Variants in MYO16 observed in about 807,000 individuals in gnomAD.
The protein encoded by MYO16 is myosin XVI.
A neutral mutation model predicts 205.3 loss-of-function variants in MYO16; 94 were observed. The observed-to-expected ratio is 0.46, with a 90% CI of 0.39 to 0.54. The LOEUF (loss-of-function observed/expected upper bound fraction) is 0.54, where lower values mean the gene tolerates loss of function less well. Among genes scored for constraint, MYO16 ranks in the 20% least tolerant of loss-of-function variants. MYO16 has a pLI of 0.00. For synonymous variants in MYO16, 988 were observed against 954.0 expected (o/e 1.04, Z -0.66); for missense variants, 2,315 against 2,387.5 (o/e 0.97, Z 0.63).
rs536847457 is a variant in MYO16 at position 108,893,711 on chromosome 13, A to G, written c.1660-4305A>G. ...TAGCCATATTTGGTTGTGAGACTGC[A>G]TTCTGGAATATCACACAGGCCATCA... is the stretch of plus-strand genomic sequence containing the variant. On this transcript the variant is annotated intron_variant, in intron 14 of 34. Transcript: ENST00000457511. 6.6e-5 allele frequency among the ~76,000 whole-genome samples: 10 copies of G among 152,258 alleles called. No homozygotes were observed. In the South Asian group the frequency reaches 2.1e-3, roughly 32 times the overall value.
chr13:109,194,118 C>T (rs1306849813), intron 34 of MYO16, among the ~76,000 whole-genome samples: 3 of 152,086 alleles, frequency 2.0e-5, no homozygotes, highest in Non-Finnish European at 4.4e-5. Context: ...CATCTTTATT[C>T]ATATAATTTT....
chr13:109,204,790 CCTGTTTCCTGAT>C (rs1281850166), intron 34 of MYO16, among the ~76,000 whole-genome samples: 1 of 152,182 alleles, frequency 6.6e-6, no homozygotes, highest in African/African-American at 2.4e-5. Context: ...CTGCCCTGTT[CCTGTTTCCTGAT>C]CTGCAACATA....
At chr13:108,763,590 G>A (rs1440728190) in intron 4 of MYO16, among the ~76,000 whole-genome samples, 3 of 152,246 alleles carry the variant, frequency 2.0e-5, no homozygotes, top group East Asian at 1.9e-4. Flanking sequence ...GATGGAGGGC[G>A]AGTTTAAGAA....
intron 27 of MYO16, among the ~76,000 whole-genome samples, chr13:109,057,903 TCCG>T (rs1323997728): frequency 6.6e-6 from 1 of 152,024 alleles, no homozygotes; most frequent in Non-Finnish European, 1.5e-5. Context: ...CAGGAAGTGA[TCCG>T]CGGGGGCCTC....
chr13:108,687,206 G>A (rs1484760346), intron 2 of MYO16, among the ~76,000 whole-genome samples: 2 of 152,178 alleles, frequency 1.3e-5, no homozygotes, highest in Non-Finnish European at 2.9e-5. Context: ...AGTATAATTA[G>A]AATATAAATC....
the MYO16 span, among the ~76,000 whole-genome samples, chr13:108,538,975 C>T: frequency 6.6e-6 from 1 of 152,056 alleles, no homozygotes; most frequent in Admixed American, 6.6e-5. Flanking sequence ...GTGTACCACT[C>T]AGTCTAATCT....
At chr13:108,532,053 A>G in the MYO16 span, among the ~76,000 whole-genome samples, 3 of 152,080 alleles carry the variant, frequency 2.0e-5, no homozygotes, top group Admixed American at 2.0e-4. Flanking sequence ...TGAAAATACA[A>G]AAATTAGCCA....
chr13:108,637,236 G>C (rs890233080), intron 1 of MYO16, among the ~76,000 whole-genome samples: 6 of 152,122 alleles, frequency 3.9e-5, no homozygotes, highest in Non-Finnish European at 8.8e-5. Flanking sequence ...GTTTTGCTCC[G>C]TGTTGACGTT....
chr13:108,819,356 G>T (rs1368305702), intron 7 of MYO16, among the ~76,000 whole-genome samples: 1 of 152,034 alleles, frequency 6.6e-6, no homozygotes, highest in Non-Finnish European at 1.5e-5. Flanking sequence ...AACAAGGCCC[G>T]CAAGAATCTA....
intron 28 of MYO16, among the ~76,000 whole-genome samples, chr13:109,109,596 A>G (rs555332097): frequency 6.6e-6 from 1 of 152,310 alleles, no homozygotes; most frequent in East Asian, 1.9e-4. Flanking sequence ...GGGAGGGGAG[A>G]GGACCTCACC....
chr13:108,868,647 G>T (rs1878845731), intron 12 of MYO16, among the ~76,000 whole-genome samples: 4 of 151,858 alleles, frequency 2.6e-5, no homozygotes, highest in Admixed American at 2.6e-4. Context: ...TTTCAGCTGG[G>T]CTCGGTGGCT....
intron 28 of MYO16, among the ~76,000 whole-genome samples, chr13:109,119,546 T>G (rs1395846910): frequency 6.6e-6 from 1 of 152,184 alleles, no homozygotes; most frequent in African/African-American, 2.4e-5. Context: ...CTACCTCGGT[T>G]CTGTGAATTC....
upstream of MYO16, among the ~76,000 whole-genome samples, chr13:108,594,025 G>A (rs1878472103): frequency 6.6e-6 from 1 of 152,146 alleles, no homozygotes; most frequent in Non-Finnish European, 1.5e-5. Context: ...AGACCCCTCT[G>A]TAACATATGA....
intron 16 of MYO16, among the ~76,000 whole-genome samples, chr13:108,911,560 G>T (rs187730919): frequency 1.6e-4 from 24 of 152,288 alleles, no homozygotes; most frequent in African/African-American, 5.8e-4. Flanking sequence ...AGTTGTATGG[G>T]AAAGAGGGAG....
intron 1 of MYO16, among the ~76,000 whole-genome samples, chr13:108,623,802 C>T (rs563996144): frequency 5.9e-5 from 9 of 152,140 alleles, no homozygotes; most frequent in South Asian, 4.1e-4. Context: ...ACTCAAATAA[C>T]GAGTTACCTA....
intron 11 of MYO16, among the ~76,000 whole-genome samples, chr13:108,863,703 A>C (rs1293213969): frequency 6.6e-6 from 1 of 152,074 alleles, no homozygotes; most frequent in Non-Finnish European, 1.5e-5. Context: ...TGTTGTTCTT[A>C]AAATGGGAAG....
chr13:109,125,738 T>A lies in MYO16; in HGVS notation c.3782+380T>A, dbSNP rs892209323. Among the ~76,000 whole-genome samples, 7 of 152,192 alleles carry A rather than the reference T, an allele frequency of 4.6e-5. No individual in the cohort carries two copies. The highest frequency in any genetic ancestry group is 2.6e-4 in the Admixed American group (4 of 15,276). On this transcript the variant is annotated intron_variant, in intron 30 of 34. Transcript: ENST00000457511. This position sits in a 1 kb window ranked among gnomAD's most constrained non-coding sequence, Gnocchi z 4.0. ...GGATATAAGGCTGGCTTATAGAAAC[T>A]TCTGGAAATCTGACCCAAAAAATGG...
At chr13:108,851,446 CT>C (rs1410601326) in intron 10 of MYO16, among the ~76,000 whole-genome samples, 1 of 152,116 alleles carries the variant, frequency 6.6e-6, no homozygotes, top group East Asian at 1.9e-4. Flanking sequence ...TACATAATGA[CT>C]TTTGCCACAA....
rs370474446 is a variant in MYO16 at position 109,019,949 on chromosome 13, A to G, written c.2796+38A>G. The stretch of plus-strand genomic sequence containing the variant: ...AACTGCATAATTTTTCATGTGCACT[A>G]ATGATCAAAGGTCCTTGGGACAAGC... On this transcript the variant is annotated intron_variant, in intron 23 of 34. Coordinates refer to ENST00000457511, the MANE Select transcript of MYO16 (RefSeq NM_001198950.3). The G allele has an allele frequency of 2.5e-6, 4 of 1,590,708 alleles. No homozygotes were observed. The African/African-American group carries it at 5.4e-5, about 21-fold the overall frequency.
Sources: allele counts gnomAD v4.1 joint callset (sites outside exome capture counted in the v4.1 genomes callset), GRCh38; gene constraint gnomAD v4.1.1; non-coding constraint Gnocchi (gnomAD v3.1); transcripts MANE v1.5; gene names NCBI Gene and HGNC (gene_info 2026-07-23, HGNC 2026-07-21).